BCOR: variants seen among roughly 807,000 people sequenced by gnomAD.
BCOR encodes BCL-6 corepressor.
Under a neutral mutation model 86.7 loss-of-function variants are expected in BCOR, and 10 were observed. The ratio of observed to expected loss-of-function variants is 0.12; its 90% CI spans 0.07 to 0.20. BCOR has a LOEUF of 0.20. Among genes scored for constraint, BCOR ranks in the 10% least tolerant of loss-of-function variants. The pLI, the probability that BCOR is intolerant of heterozygous loss-of-function variation, is 1.00. For synonymous variants in BCOR, 611 were observed against 609.0 expected (o/e 1.00, Z -0.05); for missense variants, 1,259 against 1,452.1 (o/e 0.87, Z 2.16).
chrX:40,125,945 C>G (rs1891155806), intron 1 of BCOR, among the ~76,000 whole-genome samples: 1 of 111,231 alleles, frequency 9.0e-6, no homozygotes, highest in African/African-American at 3.3e-5. Flanking sequence ...GGCGCGGTGG[C>G]TCACGCCTGT....
chrX:40,139,377 T>C (rs1463719313), intron 1 of BCOR, among the ~76,000 whole-genome samples: 2 of 42,987 alleles, frequency 4.7e-5, no homozygotes, highest in Non-Finnish European at 9.0e-5. Context: ...AATATATATA[T>C]ATATATAATA....
intron 10 of BCOR, among the ~76,000 whole-genome samples, chrX:40,058,076 T>TACACCAC (rs764908015): frequency 8.9e-6 from 1 of 112,403 alleles, no homozygotes; most frequent in Admixed American, 9.4e-5. Context: ...AGGAATCTAA[T>TACACCAC]ACACCACATA....
In BCOR at chrX:40,117,958, CTT is replaced by C. The variant is rs1180195386; in HGVS notation, c.-40-39991_-40-39990del. On this transcript the variant is annotated intron_variant, in intron 1 of 14. Transcript: ENST00000342274. ...CCAGGAAGTATACTATGCTCGCACT[CTT>C]TCTCTCTCTCTCTCTCTCTCTCCAC... 3.1e-5 allele frequency among the ~76,000 whole-genome samples: 3 copies of C among 95,427 alleles called. No individual in the cohort carries two copies. In the East Asian group the frequency reaches 8.7e-4, roughly 28 times the overall value. The allele number at this position is 95,427 out of a possible 115,157, so 82.9% of individuals were successfully genotyped here.
At chrX:40,085,254 GA>G (rs1488506869) in intron 1 of BCOR, among the ~76,000 whole-genome samples, 2 of 112,266 alleles carry the variant, frequency 1.8e-5, no homozygotes, top group African/African-American at 6.5e-5. Context: ...TTGCTTGGGG[GA>G]AAAAAAGCCA....
upstream of BCOR, among the ~76,000 whole-genome samples, chrX:40,098,629 C>T (rs1267687256): frequency 8.9e-6 from 1 of 112,139 alleles, no homozygotes; most frequent in African/African-American, 3.2e-5. Flanking sequence ...CCTCTTGCCA[C>T]CAGCGCTGCG....
intron 1 of BCOR, among the ~76,000 whole-genome samples, chrX:40,140,315 TG>T (rs1330656562): frequency 9.9e-6 from 1 of 101,144 alleles, no homozygotes; most frequent in Non-Finnish European, 2.0e-5. Context: ...AAAAGAAAAA[TG>T]ATCCAGCTGT....
rs5917939 is a variant in BCOR, at chrX:40,146,403, C to T, written c.-41+30604G>A. 9.8e-3 allele frequency: 1,092 copies of T among 111,400 alleles called. 3 individuals are homozygous for T. The highest frequency in any genetic ancestry group is 0.03 in the South Asian group (77 of 2,601). 9.2% of individuals were successfully genotyped at this position (111,400 alleles called of 1,213,427 possible). ...GCCTGAGCGGGCGGGGGACAGTGTC[C>T]GGGAGGAGGGAGGGCCGAGAGGCTG... On this transcript the variant is annotated intron_variant, in intron 1 of 14. Transcript: ENST00000342274.
In BCOR at chrX:40,073,495, G is replaced by A; in HGVS notation, c.1851C>T (p.Ala617=). 1 of 1,212,472 alleles carries A rather than the reference G, an allele frequency of 8.2e-7. No homozygotes were observed. Among genetic ancestry groups the A allele is most frequent in the Non-Finnish European group, 1.1e-6 (1 of 895,694 alleles). ...KHSSSTSSKG[A]KASNPEPSFK... is the part of the protein sequence containing the mutation. ...AACTCGGTTCTGGGTTGCTGGCTTT[G>A]GCGCCCTTGCTGCTGGTGCTGCTAC... Residue 617 remains alanine (A), a synonymous_variant, in exon 4 of 15, where the codon GCC becomes GCT. Transcript: ENST00000378444.
At chrX:40,089,028 A>T (rs970446840) in intron 1 of BCOR, among the ~76,000 whole-genome samples, 1 of 112,091 alleles carries the variant, frequency 8.9e-6, no homozygotes, top group Non-Finnish European at 1.9e-5. Flanking sequence ...AGGGGAACCC[A>T]GGAAGGTGGA....
chrX:40,134,135 C>T (rs1289420619), intron 1 of BCOR, among the ~76,000 whole-genome samples: 1 of 106,163 alleles, frequency 9.4e-6, no homozygotes. Context: ...GCTGAGGCTC[C>T]CTCCCAGGGC....
chrX:40,054,394 C>T (rs2146873588), intron 12 of BCOR, 61 bp from the exon 13 acceptor site: 1 of 962,570 alleles, frequency 1.0e-6, no homozygotes, highest in South Asian at 2.0e-5. Flanking sequence ...AAAATGATGG[C>T]AGAGCCACGT....
intron 1 of BCOR, among the ~76,000 whole-genome samples, chrX:40,148,338 A>T (rs898005217): frequency 9.0e-6 from 1 of 111,192 alleles, no homozygotes; most frequent in African/African-American, 3.3e-5. Flanking sequence ...CCAGGGCCGC[A>T]GCTACCGAGT....
chrX:40,109,284 C>T (rs2147824889), intron 1 of BCOR, among the ~76,000 whole-genome samples: 1 of 110,835 alleles, frequency 9.0e-6, no homozygotes, highest in East Asian at 2.9e-4. Context: ...CACCCCCGCG[C>T]GCTCCTGGCG....
chrX:40,063,873 C>G lies in BCOR; in HGVS notation c.3582G>C (p.Leu1194=), dbSNP rs2147061888. 8.3e-7 allele frequency: 1 copy of G among 1,211,954 alleles called. No individual in the cohort carries two copies. Among genetic ancestry groups the G allele is most frequent in the African/African-American group, 1.7e-5 (1 of 57,864 alleles). Residue 1194 remains leucine (L), a synonymous_variant, in exon 8 of 15, where the codon CTG becomes CTC. Coordinates refer to ENST00000378444, the MANE Select transcript of BCOR (RefSeq NM_001123385.2). The part of the protein sequence containing the change: ...EDPHYSELTN[L]KVCIELTGLH... Reference sequence around the variant, plus strand: ...GCCCTGTTAATTCAATGCACACCTTCAGGTTGGTCAGCTCACTATAATGTG... The same window carrying G: ...GCCCTGTTAATTCAATGCACACCTTGAGGTTGGTCAGCTCACTATAATGTG...
chrX:40,101,729 C>A (rs936192347), upstream of BCOR, among the ~76,000 whole-genome samples: 6 of 112,609 alleles, frequency 5.3e-5, no homozygotes, highest in African/African-American at 1.6e-4. Flanking sequence ...GGCCTTCTAA[C>A]CTTGTGTGCA....
At chrX:40,080,747 C>T (rs4076107) in intron 1 of BCOR, among the ~76,000 whole-genome samples, 33,934 of 108,329 alleles carry the variant, frequency 0.31, 7,849 homozygotes, top group African/African-American at 0.8. Context: ...ATACCAGCCA[C>T]CAGAACAAAG....
chrX:40,118,196 C>T (rs1464782800), intron 1 of BCOR, among the ~76,000 whole-genome samples: 2 of 110,224 alleles, frequency 1.8e-5, no homozygotes, highest in African/African-American at 3.3e-5. Flanking sequence ...ACCTTTCTGT[C>T]CTCCCCTCAG....
intron 11 of BCOR, 32 bp from the exon 12 acceptor site, chrX:40,055,545 A>T (rs781264729): frequency 8.3e-7 from 1 of 1,207,016 alleles, no homozygotes; most frequent in East Asian, 3.0e-5. Context: ...AATTATGCTC[A>T]TGCAAGCCAC....
chrX:40,103,813 GAGATA>G (rs997260455), intron 1 of BCOR, among the ~76,000 whole-genome samples: 6 of 111,890 alleles, frequency 5.4e-5, no homozygotes, highest in African/African-American at 3.2e-5. Flanking sequence ...GCAAGTGTGA[GAGATA>G]AGATAACGCT....
Sources: gnomAD v4.1 joint callset for allele counts (sites outside exome capture counted in the v4.1 genomes callset) on GRCh38, gnomAD v4.1.1 for gene constraint, MANE v1.5 for transcripts, NCBI Gene and HGNC (gene_info 2026-07-23, HGNC 2026-07-21) for gene names.